CCDC138: variants seen among roughly 807,000 people sequenced by gnomAD.
CCDC138 encodes coiled-coil domain containing 138.
In CCDC138, 66 loss-of-function variants were observed where a neutral mutation model predicts 82.3. The observed-to-expected ratio is 0.80, with a 90% CI of 0.66 to 0.98. The LOEUF (loss-of-function observed/expected upper bound fraction) is 0.98. CCDC138 is among the 50% of genes least tolerant of loss of function. The pLI is 0.00. For synonymous variants in CCDC138, 297 were observed against 265.4 expected, an observed-to-expected ratio of 1.12 and a Z score of -1.16; for missense variants, 816 against 758.9, an observed-to-expected ratio of 1.08 and a Z score of -0.88.
intron 10 of CCDC138, among the ~76,000 whole-genome samples, chr2:108,832,924 A>G (rs1687943624): frequency 2.0e-5 from 3 of 152,206 alleles, no homozygotes; most frequent in African/African-American, 4.8e-5. Flanking sequence ...TCCCACAGAT[A>G]AGAGGGAGAC....
At chr2:108,791,906 A>G in intron 4 of CCDC138, 104 bp downstream of exon 4, 1 of 1,187,580 alleles carries the variant, frequency 8.4e-7, no homozygotes, top group Non-Finnish European at 1.1e-6. Flanking sequence ...GAGTTTGCAT[A>G]TTTCTGTGTT....
intron 10 of CCDC138, among the ~76,000 whole-genome samples, chr2:108,836,901 G>A (rs1688658338): frequency 6.7e-6 from 1 of 150,136 alleles, no homozygotes; most frequent in African/African-American, 2.4e-5. Context: ...GTGATTTTTA[G>A]TATTGATTTT....
At chr2:108,834,429 G>T (rs1264094071) in intron 10 of CCDC138, among the ~76,000 whole-genome samples, 1 of 151,386 alleles carries the variant, frequency 6.6e-6, no homozygotes, top group African/African-American at 2.4e-5. Flanking sequence ...TGGCCAGGCT[G>T]GTATTGAACA....
intron 10 of CCDC138, among the ~76,000 whole-genome samples, chr2:108,816,776 GC>G (rs1684875297): frequency 6.6e-6 from 1 of 152,140 alleles, no homozygotes; most frequent in Non-Finnish European, 1.5e-5. Flanking sequence ...GCTTACTGCA[GC>G]CTCCAAACTC....
intron 11 of CCDC138, among the ~76,000 whole-genome samples, chr2:108,843,876 G>GTGTGTT (rs1187530203): frequency 2.7e-3 from 38 of 13,892 alleles, no homozygotes; most frequent in Admixed American, 3.2e-3. Flanking sequence ...GTGTGTGTGT[G>GTGTGTT]TGTTTCTTTC....
At chr2:108,806,275 G>A (rs1682869741) in intron 7 of CCDC138, among the ~76,000 whole-genome samples, 3 of 152,120 alleles carry the variant, frequency 2.0e-5, no homozygotes, top group African/African-American at 7.2e-5. Context: ...CTCTTGTGAG[G>A]ATTTTAAAAA....
intron 11 of CCDC138, among the ~76,000 whole-genome samples, chr2:108,839,971 C>T (rs1689189668): frequency 6.6e-6 from 1 of 151,906 alleles, no homozygotes; most frequent in African/African-American, 2.4e-5. Context: ...ATTCATTCTG[C>T]CATTACTAAG....
At chr2:108,879,579 A>G (rs538179546), downstream of CCDC138, among the ~76,000 whole-genome samples, 45 of 152,342 alleles carry the variant, frequency 3.0e-4, no homozygotes, top group Middle Eastern at 0.014. Flanking sequence ...CAGAAATACA[A>G]GATTAACTTT....
intron 7 of CCDC138, among the ~76,000 whole-genome samples, chr2:108,806,515 G>A (rs1478103410): frequency 1.3e-5 from 2 of 152,096 alleles, no homozygotes; most frequent in Non-Finnish European, 2.9e-5. Context: ...AGGTCAGCAC[G>A]CTTTTTCTGT....
chr2:108,876,270 A>G lies in CCDC138; in HGVS notation c.*17A>G, dbSNP rs1696014076. On this transcript the variant is annotated 3_prime_UTR_variant, in exon 15 of 15. Transcript: ENST00000295124. ...AGCCCTTAGACTGGCTAATTTTTTAATATAGTATATGTGGTGCTTATTTAT... is the reference window on the plus strand; with the variant it reads ...AGCCCTTAGACTGGCTAATTTTTTAGTATAGTATATGTGGTGCTTATTTAT... 2.0e-6 allele frequency: 3 copies of G among 1,478,694 alleles called. No homozygotes were observed. Among genetic ancestry groups the G allele is most frequent in the African/African-American group, 1.4e-5 (1 of 71,300 alleles). The allele number at this position is 1,478,694 out of a possible 1,614,324, so 91.6% of individuals were successfully genotyped here. A position where few individuals can be genotyped will look rare whatever the true frequency, so the allele number is the denominator to read the frequency against.
At chr2:108,858,855 A>AT (rs1222522772) in intron 13 of CCDC138, among the ~76,000 whole-genome samples, 2 of 152,010 alleles carry the variant, frequency 1.3e-5, no homozygotes, top group Non-Finnish European at 2.9e-5. Context: ...TTATTTCATT[A>AT]TTTTTTATGG....
chr2:108,839,040 A>G, intron 10 of CCDC138, 145 bp from the exon 11 acceptor site: 3 of 799,156 alleles, frequency 3.8e-6, no homozygotes, highest in Admixed American at 3.2e-5. Flanking sequence ...TGTATTGCAT[A>G]TAGTTTTAAA....
chr2:108,795,750 T>G (rs928858654), intron 5 of CCDC138, among the ~76,000 whole-genome samples: 1 of 152,140 alleles, frequency 6.6e-6, no homozygotes, highest in African/African-American at 2.4e-5. Context: ...GTGTAAGGAA[T>G]TGGAAATGAG....
In CCDC138 at chr2:108,856,878, C is replaced by T; in HGVS notation, c.1601C>T (p.Ala534Val). ...AAAACCTTGTTTTTGGAGTATCAGG[C>T]TGTTCCAGTAATATTAAGTCATCTA... ...EGKTLFLEYQ[A>V]VPVILSHLRI... Residue 534 changes from alanine (A) to valine (V), a missense_variant, in exon 13 of 15, where the codon GCT becomes GTT. By Grantham distance (64) the Ala-to-Val change is moderately conservative. Transcript: ENST00000295124. The T allele has an allele frequency of 6.2e-7, 1 of 1,612,906 alleles. No homozygotes were observed.
chr2:108,875,319 TA>T (rs66522366), intron 14 of CCDC138, among the ~76,000 whole-genome samples: 1,350 of 118,444 alleles, frequency 0.011, 29 homozygotes, highest in East Asian at 0.017. Flanking sequence ...TAAAGTATAA[TA>T]AAAAAAAAAA....
Position 108,821,892 on chromosome 2 carries a change from C to T in CCDC138, c.1206+5787C>T, listed in dbSNP as rs188748186. ...CCCAGGAGGTGAGATTGTGCCACTG[C>T]GCTCCAGCATGGGCAACAAGAGCGA... On this transcript the variant is annotated intron_variant, in intron 10 of 14. Coordinates refer to ENST00000295124, the MANE Select transcript of CCDC138 (RefSeq NM_144978.3). Among the ~76,000 whole-genome samples, 487 of 146,984 alleles carry T rather than the reference C, an allele frequency of 3.3e-3. 2 individuals carry two copies. The highest frequency in any genetic ancestry group is 0.011 in the African/African-American group (441 of 39,886).
intron 10 of CCDC138, among the ~76,000 whole-genome samples, chr2:108,831,130 A>G (rs769021078): frequency 5.3e-5 from 8 of 152,000 alleles, no homozygotes; most frequent in African/African-American, 7.2e-5. Flanking sequence ...AGCCAAGATC[A>G]TGCTGCTTAC....
At chr2:108,875,939 C>A in intron 14 of CCDC138, 149 bp from the exon 15 acceptor site, 2 of 564,756 alleles carry the variant, frequency 3.5e-6, no homozygotes, top group South Asian at 2.9e-5. Flanking sequence ...TTTGTTTCAG[C>A]ATTCTAATCT....
At chr2:108,859,244 G>C (rs184918186) in intron 13 of CCDC138, among the ~76,000 whole-genome samples, 1 of 152,010 alleles carries the variant, frequency 6.6e-6, no homozygotes, top group African/African-American at 2.4e-5. Context: ...ACTTTTTAAC[G>C]GGGTTGCTTT....
Sources: allele counts gnomAD v4.1 joint callset (sites outside exome capture counted in the v4.1 genomes callset), GRCh38; gene constraint gnomAD v4.1.1; transcripts MANE v1.5; gene names NCBI Gene and HGNC (gene_info 2026-07-23, HGNC 2026-07-21).